The following CNTN5 variants were observed in gnomAD, a reference collection of about 807,000 sequenced individuals.
The protein encoded by CNTN5 is contactin 5, also known as contactin-5.
CNTN5 carries 77 observed loss-of-function variants against 129.1 expected under a neutral mutation model. That is an observed-to-expected ratio of 0.60 (90% CI 0.50 to 0.72). CNTN5 has a LOEUF of 0.72. CNTN5 is among the 30% of genes least tolerant of loss of function. CNTN5 has a pLI of 0.00. For synonymous variants in CNTN5, 509 were observed against 465.6 expected (o/e 1.09, Z -1.20); for missense variants, 1,478 against 1,328.8 (o/e 1.11, Z -1.75).
intron 1 of CNTN5, among the ~76,000 whole-genome samples, chr11:99,083,033 A>AAC (rs5793966): frequency 0.15 from 22,745 of 150,130 alleles, 1,725 homozygotes; most frequent in Middle Eastern, 0.17. Context: ...AAATGATTTA[A>AAC]ACACACACAC....
intron 1 of CNTN5, among the ~76,000 whole-genome samples, chr11:99,205,592 A>G (rs917974121): frequency 1.3e-5 from 2 of 152,240 alleles, no homozygotes; most frequent in East Asian, 3.8e-4. Flanking sequence ...AATGCACATC[A>G]TTATGACTAT....
chr11:99,693,886 T>C (rs1300935796), intron 3 of CNTN5, among the ~76,000 whole-genome samples: 1 of 151,984 alleles, frequency 6.6e-6, no homozygotes. Flanking sequence ...ATGAAGGAGA[T>C]AGAAACATAA....
chr11:99,617,424 C>A (rs78401057), intron 3 of CNTN5, among the ~76,000 whole-genome samples: 10,575 of 152,118 alleles, frequency 0.07, 412 homozygotes, highest in East Asian at 0.11. Flanking sequence ...TTGATAGACA[C>A]AATGGAGGTG....
At chr11:100,310,297 A>C (rs1012043180) in intron 21 of CNTN5, among the ~76,000 whole-genome samples, 2 of 151,796 alleles carry the variant, frequency 1.3e-5, no homozygotes, top group African/African-American at 4.8e-5. Context: ...CCTATATCTC[A>C]AAGGGATGTT....
chr11:100,251,035 A>G (rs1277221393), intron 16 of CNTN5, among the ~76,000 whole-genome samples: 2 of 152,188 alleles, frequency 1.3e-5, no homozygotes, highest in East Asian at 1.9e-4. Context: ...AATTATTCCT[A>G]TATGGACACG....
rs199760808 is a variant in CNTN5 at position 100,002,178 on chromosome 11, A to G, written c.980+42A>G. ...CCATAATTAAACACAATTTTTTATT[A>G]AAATGTGACATATCTTATTTTTGGA... On this transcript the variant is annotated intron_variant, in intron 9 of 24. Transcript: ENST00000524871. 5.1e-5 allele frequency: 63 copies of G among 1,239,872 alleles called. No individual in the cohort carries two copies. The South Asian group carries it at 9.6e-4, about 19-fold the overall frequency. The allele number at this position is 1,239,872 out of a possible 1,614,324, so 76.8% of individuals were successfully genotyped here.
rs906221371 is a variant in CNTN5 at position 100,039,750 on chromosome 11, G to A, written c.981-21462G>A. On this transcript the variant is annotated intron_variant, in intron 9 of 24. Transcript: ENST00000524871. ...TCCATCACTGATACCCTTTCTTCCA[G>A]TTGATGGCATTGGCTACTGAGGCTT... Among the ~76,000 whole-genome samples the A allele has an allele frequency of 6.6e-5, 10 of 152,208 alleles. No individual in the cohort carries two copies. In the East Asian group the frequency reaches 1.9e-3, roughly 29 times the overall value.
chr11:100,178,330 T>A (rs1948033088), intron 13 of CNTN5, among the ~76,000 whole-genome samples: 1 of 152,170 alleles, frequency 6.6e-6, no homozygotes, highest in African/African-American at 2.4e-5. Flanking sequence ...GCTCATTTGT[T>A]CCCTTTTTTC....
intron 9 of CNTN5, among the ~76,000 whole-genome samples, chr11:100,056,391 T>A (rs1348052755): frequency 6.6e-6 from 1 of 151,304 alleles, no homozygotes; most frequent in African/African-American, 2.4e-5. Flanking sequence ...CATTTGCCAT[T>A]TAGAGGAAAT....
chr11:100,040,465 G>A (rs569949784), intron 9 of CNTN5, among the ~76,000 whole-genome samples: 28 of 152,300 alleles, frequency 1.8e-4, no homozygotes, highest in South Asian at 4.1e-4. Flanking sequence ...CTCAAGCTGC[G>A]TGCTGGGAGA....
intron 3 of CNTN5, among the ~76,000 whole-genome samples, chr11:99,707,018 T>G (rs781640489): frequency 9.9e-5 from 15 of 151,368 alleles, no homozygotes; most frequent in South Asian, 2.1e-4. Context: ...CCAGGATTAT[T>G]AAAATCCATA....
At chr11:100,036,550 A>G (rs889345292) in intron 9 of CNTN5, among the ~76,000 whole-genome samples, 2 of 145,098 alleles carry the variant, frequency 1.4e-5, no homozygotes, top group African/African-American at 5.0e-5. Context: ...TCTGTAAATT[A>G]CCTTGGGCAG....
chr11:100,006,302 A>G (rs1378094714), intron 9 of CNTN5, among the ~76,000 whole-genome samples: 1 of 152,116 alleles, frequency 6.6e-6, no homozygotes, highest in Non-Finnish European at 1.5e-5. Flanking sequence ...CAATTTATTA[A>G]AAGAAGACAA....
At chr11:99,420,275 G>A (rs550095615) in intron 2 of CNTN5, among the ~76,000 whole-genome samples, 7 of 152,102 alleles carry the variant, frequency 4.6e-5, no homozygotes, top group South Asian at 4.1e-4. Context: ...TTGAAAAAAC[G>A]TAAGTCAAAA....
intron 2 of CNTN5, among the ~76,000 whole-genome samples, chr11:99,500,905 C>A (rs988990631): frequency 6.6e-6 from 1 of 152,014 alleles, no homozygotes. Context: ...ATACTCCTAG[C>A]AAAGCTATAT....
intron 15 of CNTN5, among the ~76,000 whole-genome samples, chr11:100,196,190 G>A (rs1948634075): frequency 6.6e-6 from 1 of 151,956 alleles, no homozygotes; most frequent in Non-Finnish European, 1.5e-5. Context: ...TTGGAGCACT[G>A]TCCAGGCTAA....
chr11:99,289,042 T>G (rs1207545263), intron 1 of CNTN5, among the ~76,000 whole-genome samples: 8 of 151,792 alleles, frequency 5.3e-5, no homozygotes, highest in Admixed American at 5.3e-4. Flanking sequence ...TTACTACAGT[T>G]TTTTCTTAAA....
At chr11:99,499,676 A>G (rs534848786) in intron 2 of CNTN5, among the ~76,000 whole-genome samples, 11 of 152,332 alleles carry the variant, frequency 7.2e-5, no homozygotes, top group African/African-American at 2.6e-4. Context: ...AAATTTATTT[A>G]TTCTAACAAT....
chr11:100,245,980 AT>A (rs1160685409), intron 16 of CNTN5, among the ~76,000 whole-genome samples: 3 of 152,018 alleles, frequency 2.0e-5, no homozygotes, highest in African/African-American at 7.2e-5. Flanking sequence ...TTATTTCAGT[AT>A]TTTCCCCCAT....
Sources: gnomAD v4.1 joint callset for allele counts (sites outside exome capture counted in the v4.1 genomes callset) on GRCh38, gnomAD v4.1.1 for gene constraint, MANE v1.5 for transcripts, NCBI Gene and HGNC (gene_info 2026-07-23, HGNC 2026-07-21) for gene names.